The following RERGL variants were observed in gnomAD, a reference collection of about 807,000 sequenced individuals.
RERGL encodes the protein ras-related and estrogen-regulated growth inhibitor-like protein.
In RERGL, 22 loss-of-function variants were observed where a neutral mutation model predicts 24.7. That is an observed-to-expected ratio of 0.89 (90% CI 0.64 to 1.27). RERGL has a LOEUF of 1.27. Ranked by LOEUF, RERGL falls within the 50% of genes most tolerant of loss-of-function variation. The probability of loss-of-function intolerance (pLI) is 0.00; values close to 1 mark genes in which losing one functional copy is unlikely to be tolerated. For missense variants in RERGL, 259 were observed against 235.3 expected (o/e 1.10, Z -0.66); for synonymous variants, 76 against 82.6 (o/e 0.92, Z 0.43).
intron 4 of RERGL, among the ~76,000 whole-genome samples, chr12:18,082,444 T>G (rs1317515068): frequency 6.6e-6 from 1 of 152,188 alleles, no homozygotes; most frequent in Non-Finnish European, 1.5e-5. Flanking sequence ...GACACACGTT[T>G]ACTTGTGTAA....
At chr12:18,084,386 A>G in intron 4 of RERGL, 131 bp downstream of exon 4, 1 of 702,346 alleles carries the variant, frequency 1.4e-6, no homozygotes, top group Non-Finnish European at 2.2e-6. Context: ...CTCCTGTGGA[A>G]TAGGAAGGTG....
rs1023572168 is a variant in RERGL at position 18,081,565 on chromosome 12, A to G, written c.333-92T>C. 3.2e-6 allele frequency: 4 copies of G among 1,234,744 alleles called. No homozygotes were observed. The South Asian group carries it at 6.6e-5, about 20-fold the overall frequency. The allele number at this position is 1,234,744 out of a possible 1,614,324, so 76.5% of individuals were successfully genotyped here. On this transcript the variant is annotated intron_variant, in intron 4 of 4. Transcript: ENST00000538724. ...AAAACAGATTTATAACCAAAGGATT[A>G]TAAATCAAAAAAGAAAAAATATTGT...
chr12:18,087,720 T>C (rs2136833487), intron 2 of RERGL, among the ~76,000 whole-genome samples: 1 of 152,324 alleles, frequency 6.6e-6, no homozygotes, highest in South Asian at 2.1e-4. Context: ...AGGGCTTTTG[T>C]TGTTATTTGG....
intron 2 of RERGL, among the ~76,000 whole-genome samples, chr12:18,087,637 C>T (rs1947232680): frequency 1.3e-5 from 2 of 151,986 alleles, no homozygotes; most frequent in Non-Finnish European, 2.9e-5. Context: ...TATTTTTCAT[C>T]GAGAGGTAAC....
intron 1 of RERGL, chr12:18,089,238 C>T: frequency 6.2e-7 from 1 of 1,607,970 alleles, no homozygotes; most frequent in Admixed American, 1.7e-5. Flanking sequence ...CCTTTTGTAA[C>T]AGAAACAGAT....
At chr12:18,081,518 T>G (rs368258237) in intron 4 of RERGL, 45 bp from the exon 5 acceptor site, 1 of 1,094,458 alleles carries the variant, frequency 9.1e-7, no homozygotes, top group Non-Finnish European at 1.3e-6. Flanking sequence ...TTTTAACAAC[T>G]CTTTTTTTTA....
At position 18,084,680 on chromosome 12, in the gene RERGL, A is replaced by T. The variant is rs751020223; in HGVS notation, c.184-15T>A. 1.2e-6 allele frequency: 2 copies of T among 1,605,138 alleles called. No homozygotes were observed. The highest frequency in any genetic ancestry group is 4.5e-5 in the East Asian group (2 of 44,682). On this transcript the variant is annotated splice_polypyrimidine_tract_variant and intron_variant, in intron 3 of 4. Coordinates refer to ENST00000538724, the MANE Select transcript of RERGL (RefSeq NM_001286201.2). ...GCTTTCTGTGTCTGAAAATAAACCA[A>T]GTGCATTAAAAGTGGTGGGATCTAA... is the stretch of plus-strand genomic sequence containing the variant.
At chr12:18,088,468 A>AAT (rs1313793538) in intron 2 of RERGL, among the ~76,000 whole-genome samples, 1 of 152,084 alleles carries the variant, frequency 6.6e-6, no homozygotes, top group African/African-American at 2.4e-5. Flanking sequence ...ATCAAGGCAT[A>AAT]ATTTTCCTAT....
chr12:18,085,848 C>CTTTTTTTTTTT (rs1174192368), intron 2 of RERGL, among the ~76,000 whole-genome samples, 155 bp from the exon 3 acceptor site: 1 of 118,606 alleles, frequency 8.4e-6, no homozygotes, highest in Non-Finnish European at 1.7e-5. Context: ...AGATATGTTT[C>CTTTTTTTTTTT]TTTTTTTTTT....
chr12:18,081,301 T>G lies in RERGL; in HGVS notation c.505A>C (p.Lys169Gln). 1.2e-6 allele frequency: 2 copies of G among 1,613,872 alleles called. No individual in the cohort carries two copies. Among genetic ancestry groups the G allele is most frequent in the Non-Finnish European group, 1.7e-6 (2 of 1,179,916 alleles). ...EVEMMFIRII[K>Q]DILINFKLKE... ...AGTTTGAAGTTTATCAGGATGTCCTTGATAATTCTGATAAACATCATTTCC... is the reference window on the plus strand; with the variant it reads ...AGTTTGAAGTTTATCAGGATGTCCTGGATAATTCTGATAAACATCATTTCC... The change falls in exon 5 of 5, where the codon AAG (lysine) becomes CAG (glutamine). Residue 169 changes from lysine (K) to glutamine (Q), a missense_variant. Physicochemically the swap from Lys to Gln is moderately conservative, Grantham distance 53 (BLOSUM62 1). Transcript: ENST00000538724.
At chr12:18,086,590 T>C (rs1000406392) in intron 2 of RERGL, among the ~76,000 whole-genome samples, 1 of 152,188 alleles carries the variant, frequency 6.6e-6, no homozygotes, top group Non-Finnish European at 1.5e-5. Flanking sequence ...TTTGTTTTTG[T>C]TTTTTAATTC....
Position 18,081,879 on chromosome 12 carries a change from G to A in RERGL, c.333-406C>T, listed in dbSNP as rs542773247. 2.0e-5 allele frequency among the ~76,000 whole-genome samples: 3 copies of A among 152,290 alleles called. 1 individual carries two copies. The highest frequency in any genetic ancestry group is 7.2e-5 in the African/African-American group (3 of 41,562). Reference sequence around the variant, plus strand: ...AGAGTGGCTGGGTGCGGTGGCTCACGCCTGTAATCTCAGCACTTTGGGAGG... The same window carrying A: ...AGAGTGGCTGGGTGCGGTGGCTCACACCTGTAATCTCAGCACTTTGGGAGG... On this transcript the variant is annotated intron_variant, in intron 4 of 4. Coordinates refer to ENST00000538724, the MANE Select transcript of RERGL (RefSeq NM_001286201.2).
intron 4 of RERGL, 68 bp downstream of exon 4, chr12:18,084,449 C>G (rs1017572646): frequency 1.1e-5 from 16 of 1,455,848 alleles, no homozygotes; most frequent in African/African-American, 1.4e-5. Context: ...TAAACTCTTC[C>G]TAATGATGCT....
intron 4 of RERGL, among the ~76,000 whole-genome samples, chr12:18,082,125 G>A (rs1485910298): frequency 2.8e-5 from 4 of 143,470 alleles, no homozygotes; most frequent in Non-Finnish European, 6.0e-5. Flanking sequence ...GGGTAACAGA[G>A]CAAGACTTTG....
rs554700299 is a variant in RERGL, at chr12:18,086,639, C to T, written c.110-946G>A. Among the ~76,000 whole-genome samples, 5 of 152,044 alleles carry T rather than the reference C, an allele frequency of 3.3e-5. No individual in the cohort carries two copies. The East Asian group carries it at 9.7e-4, about 29-fold the overall frequency. On this transcript the variant is annotated intron_variant, in intron 2 of 4. Transcript: ENST00000538724. ...CTTAATCTTTTTTTGTTCACCTCTC[C>T]CCGCCCCCACTGACTTCTCACATTT... is the stretch of plus-strand genomic sequence containing the variant.
chr12:18,085,654 T>C lies in RERGL; in HGVS notation c.149A>G (p.Gln50Arg). 7 of 1,599,974 alleles carry C rather than the reference T, an allele frequency of 4.4e-6. No homozygotes were observed. Among genetic ancestry groups the C allele is most frequent in the Admixed American group, 1.7e-5 (1 of 58,922 alleles). Residue 50 changes from glutamine to arginine, a missense_variant, in exon 3 of 5, where the codon CAA (glutamine) becomes CGA (arginine). By Grantham distance (43) the Gln-to-Arg change is conservative. Coordinates refer to ENST00000538724, the MANE Select transcript of RERGL (RefSeq NM_001286201.2). ...AGGGTCATATATTTCTAGATTTAGT[T>C]GTTTCCTTTCCAAACACAAGTGCTT... Reference protein sequence around the residue: ...YKKHLCLERKQLNLEIYDPCS... With the variant: ...YKKHLCLERKRLNLEIYDPCS...
In RERGL at chr12:18,084,843, G is replaced by C. The variant is rs1947205248; in HGVS notation, c.184-178C>G. ...TATTGCTTTGTCCTTAATTAAAAGT[G>C]ACTAAATGTAAAACAGAACTATAAT... On this transcript the variant is annotated intron_variant, in intron 3 of 4. Coordinates refer to ENST00000538724, the MANE Select transcript of RERGL (RefSeq NM_001286201.2). 3.9e-5 allele frequency among the ~76,000 whole-genome samples: 6 copies of C among 152,092 alleles called. No individual in the cohort carries two copies. The South Asian group carries it at 1.0e-3, about 26-fold the overall frequency.
At position 18,085,609 on chromosome 12, in the gene RERGL, G is replaced by A. The variant is rs766975030; in HGVS notation, c.183+11C>T. The A allele has an allele frequency of 3.3e-6, 5 of 1,492,564 alleles. No individual in the cohort carries two copies. In the East Asian group the frequency reaches 1.2e-4, roughly 34 times the overall value. 92.5% of individuals were successfully genotyped at this position (1,492,564 alleles called of 1,614,324 possible). ...AATAAATCAATAAAAAAGGTGTTTT[G>A]TTTTACTTACTTGAGAACAAGGGTC... On this transcript the variant is annotated intron_variant, in intron 3 of 4. Coordinates refer to ENST00000538724, the MANE Select transcript of RERGL (RefSeq NM_001286201.2).
At chr12:18,083,040 T>C (rs1947187911) in intron 4 of RERGL, among the ~76,000 whole-genome samples, 1 of 152,128 alleles carries the variant, frequency 6.6e-6, no homozygotes, top group Admixed American at 6.5e-5. Context: ...TTATTGGCCC[T>C]GATTCCACTA....
Sources: gnomAD v4.1 joint callset for allele counts (sites outside exome capture counted in the v4.1 genomes callset) on GRCh38, gnomAD v4.1.1 for gene constraint, MANE v1.5 for transcripts, NCBI Gene and HGNC (gene_info 2026-07-23, HGNC 2026-07-21) for gene names.